Variants in NUGGC observed in about 807,000 individuals in gnomAD.
The protein encoded by NUGGC is nuclear GTPase SLIP-GC.
A neutral mutation model predicts 92.6 loss-of-function variants in NUGGC; 58 were observed. That is an observed-to-expected ratio of 0.63 (90% CI 0.51 to 0.78). NUGGC has a LOEUF of 0.78. Among genes scored for constraint, NUGGC ranks in the 30% least tolerant of loss-of-function variants. The pLI, the probability that NUGGC is intolerant of heterozygous loss-of-function variation, is 0.00. For synonymous variants in NUGGC, 376 were observed against 366.4 expected (o/e 1.03, Z -0.30); for missense variants, 925 against 964.6 (o/e 0.96, Z 0.54).
At chr8:28,057,701 T>A (rs1810183109) in intron 9 of NUGGC, among the ~76,000 whole-genome samples, 1 of 152,128 alleles carries the variant, frequency 6.6e-6, no homozygotes, top group Admixed American at 6.6e-5. Flanking sequence ...CAGAACATAA[T>A]ACATACACAA....
intron 13 of NUGGC, among the ~76,000 whole-genome samples, chr8:28,035,519 A>G (rs1284418946): frequency 3.3e-5 from 5 of 152,148 alleles, no homozygotes; most frequent in East Asian, 1.9e-4. Flanking sequence ...CGGGGGCCTT[A>G]GCTGCTCTCC....
At chr8:28,030,546 T>A (rs1264250335) in intron 15 of NUGGC, 128 bp from the exon 16 acceptor site, 1 of 655,432 alleles carries the variant, frequency 1.5e-6, no homozygotes, top group Non-Finnish European at 2.8e-6. Flanking sequence ...TTGTCTGTCA[T>A]CTCCACAACT....
intron 6 of NUGGC, among the ~76,000 whole-genome samples, chr8:28,065,727 G>A (rs949505770): frequency 6.6e-6 from 1 of 152,158 alleles, no homozygotes; most frequent in African/African-American, 2.4e-5. Context: ...AAATAGTCCT[G>A]AAAGAAAGAT....
At chr8:28,032,939 C>A (rs1323933260) in intron 14 of NUGGC, among the ~76,000 whole-genome samples, 1 of 151,972 alleles carries the variant, frequency 6.6e-6, no homozygotes, top group Non-Finnish European at 1.5e-5. Flanking sequence ...GGGGGAGGAT[C>A]ATTTAAGGTC....
Position 28,041,107 on chromosome 8 carries a change from C to A in NUGGC, c.1555G>T (p.Glu519Ter). ...GAAGTCCTGGCGGTCCTGACCCCTT[C>A]TTGCAGAGGCTGCTCCATGCAGGCG... Reference protein sequence around the residue: ...CFACMEQPLQEGVRTARTSYR... With the variant: ...CFACMEQPLQ The change falls in exon 13 of 19, where the codon GAA (glutamate) becomes TAA (stop). Residue 519 changes from glutamate (E) to a stop codon, truncating the protein, a stop_gained. Coordinates refer to ENST00000413272, the MANE Select transcript of NUGGC (RefSeq NM_001010906.2). LOFTEE classifies it high-confidence loss of function. 1 of 1,608,272 alleles carries A rather than the reference C, an allele frequency of 6.2e-7. No homozygotes were observed. Among genetic ancestry groups the A allele is most frequent in the Non-Finnish European group, 8.5e-7 (1 of 1,177,580 alleles).
At chr8:28,036,261 G>A (rs1809551433) in intron 13 of NUGGC, among the ~76,000 whole-genome samples, 1 of 152,082 alleles carries the variant, frequency 6.6e-6, no homozygotes, top group African/African-American at 2.4e-5. Flanking sequence ...AAGAAAATAG[G>A]CATTACACGA....
At chr8:28,047,480 G>A in intron 11 of NUGGC, 27 bp downstream of exon 11, 1 of 1,349,882 alleles carries the variant, frequency 7.4e-7, no homozygotes, top group South Asian at 1.3e-5. Context: ...GAATTTTAGT[G>A]ATGGAGATTT....
chr8:28,083,137 C>T (rs1021124863), intron 1 of NUGGC, among the ~76,000 whole-genome samples: 7 of 152,164 alleles, frequency 4.6e-5, no homozygotes, highest in African/African-American at 7.2e-5. Context: ...AAAGAGAACA[C>T]GGCGGAGATT....
rs551519406 is a variant in NUGGC, at chr8:28,029,638, A to G, written c.2018-236T>C. ...CGTGTGCACGCCTGTAATCCCACCT[A>G]CTTAGAAGGCTCAGGCACGAGAATC... is the stretch of plus-strand genomic sequence containing the variant. On this transcript the variant is annotated intron_variant, in intron 16 of 18. Coordinates refer to ENST00000413272, the MANE Select transcript of NUGGC (RefSeq NM_001010906.2). Among the ~76,000 whole-genome samples the G allele has an allele frequency of 1.6e-4, 24 of 152,092 alleles. No homozygotes were observed. In the South Asian group the frequency reaches 1.7e-3, roughly 11 times the overall value.
intron 12 of NUGGC, among the ~76,000 whole-genome samples, chr8:28,042,452 C>T (rs1455700925): frequency 6.6e-6 from 1 of 152,224 alleles, no homozygotes; most frequent in African/African-American, 2.4e-5. Flanking sequence ...CCCAAACATG[C>T]TGTCAATCTT....
chr8:28,077,306 C>G (rs1810746131), intron 1 of NUGGC, among the ~76,000 whole-genome samples: 1 of 151,768 alleles, frequency 6.6e-6, no homozygotes, highest in Non-Finnish European at 1.5e-5. Context: ...TCTATAATCC[C>G]AGCACTTTGG....
At chr8:28,033,149 G>A (rs1481598751) in intron 14 of NUGGC, among the ~76,000 whole-genome samples, 1 of 152,114 alleles carries the variant, frequency 6.6e-6, no homozygotes, top group Non-Finnish European at 1.5e-5. Flanking sequence ...AACAGAGCAA[G>A]ACCCTGTCTC....
rs528117909 is a variant in NUGGC at position 28,047,259 on chromosome 8, T to C, written c.1312+248A>G. On this transcript the variant is annotated intron_variant, in intron 11 of 18. Transcript: ENST00000413272. The stretch of plus-strand genomic sequence containing the variant: ...TGCTGGAATTACAGGTGTGAGCCAC[T>C]GCGCCCAGCAACCCAATTATTTGAC... 5.3e-5 allele frequency among the ~76,000 whole-genome samples: 8 copies of C among 152,278 alleles called. No homozygotes were observed. The South Asian group carries it at 1.5e-3, about 28-fold the overall frequency.
At chr8:28,042,855 T>C (rs1202595363) in intron 12 of NUGGC, among the ~76,000 whole-genome samples, 2 of 152,240 alleles carry the variant, frequency 1.3e-5, no homozygotes, top group South Asian at 2.1e-4. Flanking sequence ...ATGTGTGACC[T>C]GATACAGGTG....
intron 10 of NUGGC, among the ~76,000 whole-genome samples, chr8:28,050,361 G>A: frequency 6.6e-6 from 1 of 150,894 alleles, no homozygotes; most frequent in East Asian, 1.9e-4. Flanking sequence ...TTCCAGCCTG[G>A]GCAACAAGAA....
intron 16 of NUGGC, among the ~76,000 whole-genome samples, chr8:28,029,608 G>T (rs900032109): frequency 1.3e-5 from 2 of 151,894 alleles, no homozygotes; most frequent in Non-Finnish European, 2.9e-5. Context: ...AAATTAGCTG[G>T]GCACCGTGTG....
At chr8:28,040,063 G>A (rs1025405939) in intron 13 of NUGGC, among the ~76,000 whole-genome samples, 4 of 152,028 alleles carry the variant, frequency 2.6e-5, no homozygotes, top group African/African-American at 9.7e-5. Flanking sequence ...AGAGGAGAGA[G>A]GCCTCAGAAC....
chr8:28,062,423 C>T (rs1201029609), intron 7 of NUGGC, among the ~76,000 whole-genome samples: 1 of 150,434 alleles, frequency 6.6e-6, no homozygotes, highest in Non-Finnish European at 1.5e-5. Flanking sequence ...GTTCACCAGC[C>T]TGGGCAATAT....
Position 28,028,873 on chromosome 8 carries a change from C to T in NUGGC, c.2154+393G>A, listed in dbSNP as rs563236354. Among the ~76,000 whole-genome samples the T allele has an allele frequency of 1.8e-4, 27 of 152,278 alleles. No homozygotes were observed. The Middle Eastern group carries it at 0.024, about 134-fold the overall frequency. On this transcript the variant is annotated intron_variant, in intron 17 of 18. Transcript: ENST00000413272. The stretch of plus-strand genomic sequence containing the variant: ...GTTTTGAGATCGTGCTATTGTTGGA[C>T]ATGCTGGAGACAGGCTTCCCAATCC...
Sources: gnomAD v4.1 joint callset for allele counts (sites outside exome capture counted in the v4.1 genomes callset) on GRCh38, gnomAD v4.1.1 for gene constraint, MANE v1.5 for transcripts, NCBI Gene and HGNC (gene_info 2026-07-23, HGNC 2026-07-21) for gene names.